STK31: variants seen among roughly 807,000 people sequenced by gnomAD.
STK31 encodes the protein serine/threonine-protein kinase 31.
Under a neutral mutation model 129.7 loss-of-function variants are expected in STK31, and 89 were observed. The observed-to-expected ratio is 0.69, with a 90% CI of 0.58 to 0.82. The LOEUF (loss-of-function observed/expected upper bound fraction) is 0.82. Ranked by LOEUF, STK31 falls within the 40% of genes least tolerant of loss-of-function variation. The pLI is 0.00. For synonymous variants in STK31, 448 were observed against 395.3 expected (o/e 1.13, Z -1.58); for missense variants, 1,187 against 1,176.4 (o/e 1.01, Z -0.13).
intron 8 of STK31, among the ~76,000 whole-genome samples, chr7:23,751,330 G>A (rs1788695064): frequency 2.0e-5 from 3 of 152,132 alleles, no homozygotes; most frequent in Non-Finnish European, 4.4e-5. Context: ...ACTTAGGAGT[G>A]CATGTTAATT....
chr7:23,768,216 A>G (rs1789951356), intron 11 of STK31, among the ~76,000 whole-genome samples: 1 of 152,116 alleles, frequency 6.6e-6, no homozygotes, highest in African/African-American at 2.4e-5. Context: ...CATTGTTACA[A>G]TTGCTTACAT....
At chr7:23,715,975 A>G (rs1361927453) in intron 3 of STK31, among the ~76,000 whole-genome samples, 1 of 152,166 alleles carries the variant, frequency 6.6e-6, no homozygotes, top group East Asian at 1.9e-4. Flanking sequence ...TTTAATGCTA[A>G]TGTGTTATAT....
At chr7:23,786,999 C>G in intron 20 of STK31, 75 bp downstream of exon 20, 1 of 1,398,810 alleles carries the variant, frequency 7.1e-7, no homozygotes, top group Non-Finnish European at 1.0e-6. Flanking sequence ...TTCAGGCATA[C>G]TACATGCTAT....
In STK31 at chr7:23,826,502, G is replaced by A. The variant is rs866472791; in HGVS notation, c.2830-5634G>A. On this transcript the variant is annotated intron_variant, in intron 23 of 23. Coordinates refer to ENST00000355870, the MANE Select transcript of STK31 (RefSeq NM_031414.5). ...TGAGCCTATGTGTGTCTCTGCACGT[G>A]AGATGGGTTTCCTGAATACAGCACA... Among the ~76,000 whole-genome samples the A allele has an allele frequency of 3.8e-3, 576 of 152,276 alleles. 4 individuals are homozygous for A. The highest frequency in any genetic ancestry group is 0.02 in the Middle Eastern group (6 of 294).
chr7:23,726,178 C>G (rs1336606864), intron 4 of STK31: 1 of 152,054 alleles, frequency 6.6e-6, no homozygotes, highest in East Asian at 1.9e-4. Flanking sequence ...TCATAGACAC[C>G]TTCAGGAGAC....
At chr7:23,757,828 G>A (rs1789194630) in intron 10 of STK31, among the ~76,000 whole-genome samples, 1 of 152,172 alleles carries the variant, frequency 6.6e-6, no homozygotes, top group African/African-American at 2.4e-5. Flanking sequence ...ACTGTCACAT[G>A]GGGAGAAACC....
chr7:23,768,989 C>T lies in STK31; in HGVS notation c.1417-6C>T, dbSNP rs771713629. On this transcript the variant is annotated splice_region_variant and splice_polypyrimidine_tract_variant and intron_variant, in intron 11 of 23. Transcript: ENST00000355870. ...CTTTAATAAACAGAAGTATATCTCT[C>T]TGCAGGATTTGTCAGTCTCTTTAGA... 150 of 1,583,176 alleles carry T rather than the reference C, an allele frequency of 9.5e-5. No individual in the cohort carries two copies. Among genetic ancestry groups the T allele is most frequent in the Non-Finnish European group, 1.3e-4 (146 of 1,167,228 alleles).
chr7:23,730,878 A>ATATATATATATATATATATATATATATAT, intron 6 of STK31, among the ~76,000 whole-genome samples: 2 of 59,544 alleles, frequency 3.4e-5, no homozygotes, highest in African/African-American at 1.2e-4. Flanking sequence ...ATATATATAT[A>ATATATATATATATATATATATATATATAT]TTTTTTTTTT....
chr7:23,737,142 A>C, intron 8 of STK31, 64 bp downstream of exon 8: 1 of 1,350,788 alleles, frequency 7.4e-7, no homozygotes, highest in Non-Finnish European at 9.7e-7. Flanking sequence ...ATCTGCTGCT[A>C]TTTATTTTTC....
chr7:23,721,552 C>A, intron 4 of STK31: 1 of 908,974 alleles, frequency 1.1e-6, no homozygotes, highest in Non-Finnish European at 1.8e-6. Flanking sequence ...TTTTTTTTTT[C>A]CTTTTGGGTG....
chr7:23,786,153 A>G (rs1227249491), intron 18 of STK31, among the ~76,000 whole-genome samples: 2 of 151,960 alleles, frequency 1.3e-5, no homozygotes, highest in African/African-American at 4.8e-5. Context: ...TCTTTTTAAA[A>G]TTCTTGATTT....
chr7:23,769,209 A>G (rs1326010487), intron 12 of STK31, 35 bp downstream of exon 12: 3 of 1,493,992 alleles, frequency 2.0e-6, no homozygotes, highest in Non-Finnish European at 2.7e-6. Flanking sequence ...TGTTTGTAGC[A>G]TAAACCAGGG....
chr7:23,769,738 G>A lies in STK31; in HGVS notation c.1695G>A (p.Glu565=). The change falls in exon 13 of 24, where the codon GAG becomes GAA. Residue 565 remains glutamate, a synonymous_variant. Transcript: ENST00000355870. ...LEKTESSVCK[E]LEIALVDQGD... ...AGACTGAGTCAAGTGTCTGCAAAGAGCTGGAGATAGCTCTGGTTGTGAGTA... is the reference window on the plus strand; with the variant it reads ...AGACTGAGTCAAGTGTCTGCAAAGAACTGGAGATAGCTCTGGTTGTGAGTA... 1.2e-6 allele frequency: 2 copies of A among 1,606,372 alleles called. No individual in the cohort carries two copies. Among genetic ancestry groups the A allele is most frequent in the Non-Finnish European group, 1.7e-6 (2 of 1,174,674 alleles).
chr7:23,816,013 G>C (rs973918012), intron 23 of STK31, among the ~76,000 whole-genome samples: 6 of 152,102 alleles, frequency 3.9e-5, no homozygotes, highest in African/African-American at 1.2e-4. Context: ...GTTAAACTCA[G>C]TAGTTCCTTA....
At chr7:23,794,323 C>T (rs4719736) in intron 22 of STK31, among the ~76,000 whole-genome samples, 1 of 152,218 alleles carries the variant, frequency 6.6e-6, no homozygotes, top group Non-Finnish European at 1.5e-5. Context: ...TCTTGCTGCC[C>T]CCATGTGAAG....
At chr7:23,753,428 A>G (rs756612399) in intron 9 of STK31, among the ~76,000 whole-genome samples, 6 of 152,186 alleles carry the variant, frequency 3.9e-5, no homozygotes, top group Non-Finnish European at 8.8e-5. Context: ...TCCTACCTTA[A>G]TGCTCTGAGC....
chr7:23,826,548 A>G (rs1387872231), intron 23 of STK31, among the ~76,000 whole-genome samples: 1 of 152,112 alleles, frequency 6.6e-6, no homozygotes, highest in South Asian at 2.1e-4. Context: ...TTGACTCTTT[A>G]TCCAGTTTGC....
chr7:23,718,411 T>G (rs1256510225), intron 4 of STK31, among the ~76,000 whole-genome samples: 1 of 152,160 alleles, frequency 6.6e-6, no homozygotes, highest in Non-Finnish European at 1.5e-5. Flanking sequence ...GGTGAGTTTT[T>G]ACGTGTGTAT....
At chr7:23,824,897 C>G (rs1376584838) in intron 23 of STK31, among the ~76,000 whole-genome samples, 1 of 151,734 alleles carries the variant, frequency 6.6e-6, no homozygotes, top group African/African-American at 2.4e-5. Flanking sequence ...TGCTGGATTA[C>G]GTTTATTGAT....
Sources: allele counts gnomAD v4.1 joint callset (sites outside exome capture counted in the v4.1 genomes callset), GRCh38; gene constraint gnomAD v4.1.1; transcripts MANE v1.5; gene names NCBI Gene and HGNC (gene_info 2026-07-23, HGNC 2026-07-21).